PIAS1: variants seen among roughly 807,000 people sequenced by gnomAD.
PIAS1 encodes the protein protein inhibitor of activated STAT 1, also known as E3 SUMO-protein ligase PIAS1.
In PIAS1, 6 loss-of-function variants were observed where a neutral mutation model predicts 71.3. The ratio of observed to expected loss-of-function variants is 0.08; its 90% CI spans 0.05 to 0.17. The LOEUF is 0.17. PIAS1 is among the 10% of genes least tolerant of loss of function. The pLI is 1.00. For missense variants in PIAS1, 555 were observed against 793.6 expected, an observed-to-expected ratio of 0.70 and a Z score of 3.61; for synonymous variants, 303 against 292.9, an observed-to-expected ratio of 1.03 and a Z score of -0.35.
At chr15:68,161,862 A>C (rs1454680864) in intron 7 of PIAS1, among the ~76,000 whole-genome samples, 1 of 131,522 alleles carries the variant, frequency 7.6e-6, no homozygotes, top group East Asian at 2.4e-4. Context: ...CCTGGGATGC[A>C]GAGGCTGCAG....
intron 2 of PIAS1, among the ~76,000 whole-genome samples, chr15:68,095,121 A>T (rs1423293291): frequency 2.0e-5 from 3 of 152,058 alleles, no homozygotes; most frequent in African/African-American, 4.8e-5. Flanking sequence ...TTATGAAATA[A>T]TTTTTTTTAA....
chr15:68,065,915 C>CTTTTTTTTTTTTTTTTTTTTT (rs869104577), intron 1 of PIAS1, among the ~76,000 whole-genome samples: 2 of 40,174 alleles, frequency 5.0e-5, no homozygotes, highest in African/African-American at 1.3e-4. Context: ...TGACTAAAAG[C>CTTTTTTTTTTTTTTTTTTTTT]TTTTTTTTTT....
At chr15:68,182,739 G>A (rs1163749414) in intron 12 of PIAS1, among the ~76,000 whole-genome samples, 1 of 152,096 alleles carries the variant, frequency 6.6e-6, no homozygotes, top group Non-Finnish European at 1.5e-5. Flanking sequence ...TGCTCTTAAC[G>A]GTTAGATATC....
intron 2 of PIAS1, among the ~76,000 whole-genome samples, chr15:68,135,222 G>T (rs2092720129): frequency 2.3e-5 from 1 of 43,312 alleles, no homozygotes; most frequent in Non-Finnish European, 9.5e-5. Context: ...CCCGGAAGGG[G>T]TGGCTGGCCG....
At chr15:68,102,128 C>T (rs931100480) in intron 2 of PIAS1, among the ~76,000 whole-genome samples, 3 of 152,102 alleles carry the variant, frequency 2.0e-5, no homozygotes, top group Non-Finnish European at 2.9e-5. Flanking sequence ...ATCTGTGATC[C>T]ATTTGTTACT....
intron 12 of PIAS1, chr15:68,181,678 T>C (rs919491713): frequency 3.4e-5 from 6 of 178,268 alleles, no homozygotes; most frequent in African/African-American, 1.4e-4. Context: ...ATGAACATTA[T>C]TTTTTTTTGC....
At chr15:68,060,945 G>GT (rs2091952227) in intron 1 of PIAS1, among the ~76,000 whole-genome samples, 1 of 152,240 alleles carries the variant, frequency 6.6e-6, no homozygotes, top group African/African-American at 2.4e-5. Flanking sequence ...GCCTCCCAAA[G>GT]TTCTGGGATT....
At chr15:68,180,616 A>ACATT (rs10672888) in intron 11 of PIAS1, among the ~76,000 whole-genome samples, 87,223 of 151,548 alleles carry the variant, frequency 0.58, 25,852 homozygotes, top group African/African-American at 0.68. Context: ...TTGTTTCACT[A>ACATT]CATTAGATTC....
chr15:68,110,033 C>T (rs1042870320), intron 2 of PIAS1, among the ~76,000 whole-genome samples: 2 of 152,240 alleles, frequency 1.3e-5, no homozygotes, highest in South Asian at 2.1e-4. Flanking sequence ...TTGTGAATCT[C>T]TAAGCCAGAT....
At chr15:68,104,643 G>T (rs925313392) in intron 2 of PIAS1, among the ~76,000 whole-genome samples, 4 of 152,138 alleles carry the variant, frequency 2.6e-5, no homozygotes, top group Non-Finnish European at 5.9e-5. Flanking sequence ...GGAGACTGTA[G>T]TTAATAAGAA....
At chr15:68,154,745 G>A (rs1321209706) in intron 7 of PIAS1, among the ~76,000 whole-genome samples, 1 of 152,226 alleles carries the variant, frequency 6.6e-6, no homozygotes. Context: ...TTTGGCTAAT[G>A]CCTCTGTAGG....
At chr15:68,134,562 G>T (rs2092707554) in intron 2 of PIAS1, among the ~76,000 whole-genome samples, 1 of 47,914 alleles carries the variant, frequency 2.1e-5, no homozygotes, top group African/African-American at 4.3e-5. Flanking sequence ...CCCAGTAGGG[G>T]CGGCCGGGCA....
rs369047278 is a variant in PIAS1, at chr15:68,109,312, A to G, written c.469+22562A>G. On this transcript the variant is annotated intron_variant, in intron 2 of 13. Transcript: ENST00000249636. The stretch of plus-strand genomic sequence containing the variant: ...CCCATTACACTGCCCTATTATTTCC[A>G]TAACATTGTCAGCATCTGACATACT... 2.7e-4 allele frequency among the ~76,000 whole-genome samples: 41 copies of G among 152,274 alleles called. 1 individual carries two copies. The highest frequency in any genetic ancestry group is 7.2e-4 in the Admixed American group (11 of 15,300).
intron 1 of PIAS1, among the ~76,000 whole-genome samples, chr15:68,058,658 A>G (rs1224109089): frequency 6.6e-6 from 1 of 152,228 alleles, no homozygotes; most frequent in African/African-American, 2.4e-5. Context: ...CTTCCTTGCA[A>G]AAAGTTTGGA....
In PIAS1 at chr15:68,054,677, T is replaced by G; in HGVS notation, c.24+327T>G. 8.4e-6 allele frequency: 2 copies of G among 237,356 alleles called. No individual in the cohort carries two copies. The highest frequency in any genetic ancestry group is 8.1e-6 in the Non-Finnish European group (1 of 123,106). The allele number at this position is 237,356 out of a possible 1,614,324, so 14.7% of individuals were successfully genotyped here. A position where few individuals can be genotyped will look rare whatever the true frequency, so the allele number is the denominator to read the frequency against. ...GGGCTCGGCTTTTTCACCTTCCAGT[T>G]AGCCTCCCTGCCCCCCATGGGGAGC... On this transcript the variant is annotated intron_variant, in intron 1 of 13. Transcript: ENST00000249636. This position sits in a 1 kb window ranked among gnomAD's most constrained non-coding sequence, Gnocchi z 4.6.
intron 1 of PIAS1, among the ~76,000 whole-genome samples, chr15:68,082,979 A>G (rs757830801): frequency 6.6e-6 from 1 of 152,156 alleles, no homozygotes; most frequent in Non-Finnish European, 1.5e-5. Context: ...ATGCTCTTGC[A>G]TTCAAAATAT....
At chr15:68,092,325 C>T (rs954239675) in intron 2 of PIAS1, among the ~76,000 whole-genome samples, 2 of 152,052 alleles carry the variant, frequency 1.3e-5, no homozygotes, top group African/African-American at 4.8e-5. Context: ...GCAGGAGCAA[C>T]CATGCCTGGC....
At chr15:68,092,067 T>C (rs994797139) in intron 2 of PIAS1, among the ~76,000 whole-genome samples, 2 of 152,252 alleles carry the variant, frequency 1.3e-5, no homozygotes, top group African/African-American at 4.8e-5. Context: ...TTTTTAAATA[T>C]CTCAGGCAAT....
chr15:68,074,213 G>C (rs1335828104), intron 1 of PIAS1, among the ~76,000 whole-genome samples: 3 of 152,174 alleles, frequency 2.0e-5, no homozygotes. Context: ...GAGTGGATGA[G>C]ATCACTCAGG....
Sources: gnomAD v4.1 joint callset for allele counts (sites outside exome capture counted in the v4.1 genomes callset) on GRCh38, gnomAD v4.1.1 for gene constraint, Gnocchi (gnomAD v3.1) non-coding constraint, MANE v1.5 for transcripts, NCBI Gene and HGNC (gene_info 2026-07-23, HGNC 2026-07-21) for gene names.